The following UBA6 variants were observed in gnomAD, a reference collection of about 807,000 sequenced individuals.
UBA6 encodes ubiquitin like modifier activating enzyme 6.
In UBA6, 87 loss-of-function variants were observed where a neutral mutation model predicts 148.3. The observed-to-expected ratio is 0.59, with a 90% CI of 0.49 to 0.70. The LOEUF (loss-of-function observed/expected upper bound fraction) is 0.70, where lower values mean the gene tolerates loss of function less well. UBA6 is among the 30% of genes least tolerant of loss of function. UBA6 has a pLI of 0.00. For synonymous variants in UBA6, 376 were observed against 401.0 expected (o/e 0.94, Z 0.75); for missense variants, 1,186 against 1,241.2 (o/e 0.96, Z 0.67).
chr4:67,644,601 C>A (rs748933764), intron 17 of UBA6, 97 bp downstream of exon 17: 32 of 689,444 alleles, frequency 4.6e-5, no homozygotes, highest in Admixed American at 3.1e-4. Flanking sequence ...GCTCTATTTT[C>A]AAAAAACTGA....
At chr4:67,626,248 A>T in intron 28 of UBA6, 112 bp downstream of exon 28, 1 of 689,298 alleles carries the variant, frequency 1.5e-6, no homozygotes, top group Non-Finnish European at 2.6e-6. Flanking sequence ...ATCAATCAAT[A>T]TTGTCATCAT....
chr4:67,655,525 G>A (rs915968843), intron 13 of UBA6, among the ~76,000 whole-genome samples: 2 of 152,196 alleles, frequency 1.3e-5, no homozygotes, highest in Non-Finnish European at 2.9e-5. Context: ...GAATCTCTGA[G>A]ACACATTCAA....
At position 67,618,873 on chromosome 4, in the gene UBA6, C is replaced by T; in HGVS notation, c.*124G>A. The T allele has an allele frequency of 4.0e-6, 4 of 997,692 alleles. No homozygotes were observed. In the South Asian group the frequency reaches 5.7e-5, roughly 14 times the overall value. 61.8% of individuals were successfully genotyped at this position (997,692 alleles called of 1,614,324 possible). ...AGTGCAGTTTCTTACTGATGTTTCC[C>T]TTAAAATTAAGGCTTAATGAAAGAG... On this transcript the variant is annotated 3_prime_UTR_variant, in exon 33 of 33. Transcript: ENST00000322244.
Position 67,616,377 on chromosome 4 carries a change from CAT to C in UBA6, c.*2618_*2619del, listed in dbSNP as rs1728626717. The C allele has an allele frequency of 2.9e-6, 1 of 345,696 alleles. No individual in the cohort carries two copies. Among genetic ancestry groups the C allele is most frequent in the African/African-American group, 2.1e-5 (1 of 47,338 alleles). The allele number at this position is 345,696 out of a possible 1,614,324, so 21.4% of individuals were successfully genotyped here. The stretch of plus-strand genomic sequence containing the variant: ...TTCATTTTACTAATTATAAAATAAA[CAT>C]AGTTGCTTTTTTAATGTTCCATGAA... On this transcript the variant is annotated 3_prime_UTR_variant, in exon 33 of 33. Transcript: ENST00000322244.
In UBA6 at chr4:67,622,846, T is replaced by C; in HGVS notation, c.3008A>G (p.Lys1003Arg). The C allele has an allele frequency of 6.2e-7, 1 of 1,611,830 alleles. No individual in the cohort carries two copies. The highest frequency in any genetic ancestry group is 8.5e-7 in the Non-Finnish European group (1 of 1,179,122). Reference sequence around the variant, plus strand: ...GAATACTTACGTTAACTTCAATCTTTTTGCATGACCAGGCATTACAGGAAC... The same window carrying C: ...GAATACTTACGTTAACTTCAATCTTCTTGCATGACCAGGCATTACAGGAAC... ...LYVPVMPGHA[K>R]RLKLTMHKLV... The change falls in exon 32 of 33, where the codon AAA becomes AGA. Residue 1003 changes from lysine (K) to arginine (R), a missense_variant. Coordinates refer to ENST00000322244, the MANE Select transcript of UBA6 (RefSeq NM_018227.6).
At chr4:67,657,351 C>T (rs1729724505) in intron 13 of UBA6, among the ~76,000 whole-genome samples, 1 of 152,146 alleles carries the variant, frequency 6.6e-6, no homozygotes, top group African/African-American at 2.4e-5. Context: ...ACCAATGGAA[C>T]AGAACAGAGG....
intron 14 of UBA6, among the ~76,000 whole-genome samples, chr4:67,648,383 G>A (rs182094325): frequency 2.7e-4 from 40 of 150,496 alleles, no homozygotes; most frequent in Admixed American, 5.3e-4. Context: ...CAGGAGAATC[G>A]CGTGAACCCG....
chr4:67,692,712 A>T (rs970042511), intron 2 of UBA6, among the ~76,000 whole-genome samples: 3 of 152,192 alleles, frequency 2.0e-5, no homozygotes, highest in Non-Finnish European at 2.9e-5. Context: ...ACTTGCTTCA[A>T]AACACAACAT....
chr4:67,662,248 G>C lies in UBA6; in HGVS notation c.1045C>G (p.Gln349Glu), dbSNP rs139202494. ...AGTTTCAACAGTTCTTCTGAATCTT[G>C]TTGGCATCTACAACTCAAAACAGAA... ...YSRKPNVGCQ[Q>E]DSEELLKLAT... The change falls in exon 13 of 33, where the codon CAA becomes GAA. Residue 349 changes from glutamine to glutamate, a missense_variant. Coordinates refer to ENST00000322244, the MANE Select transcript of UBA6 (RefSeq NM_018227.6). 43 of 1,613,206 alleles carry C rather than the reference G, an allele frequency of 2.7e-5. 1 individual carries two copies. Among genetic ancestry groups the C allele is most frequent in the African/African-American group, 2.5e-4 (19 of 74,892 alleles).
chr4:67,635,468 C>T lies in UBA6; in HGVS notation c.1827G>A (p.Glu609=), dbSNP rs760078389. ...ATTCACTTACATGACTATTGTAAGACTCAGTCAAATGCGGTACAATAACTT... is the reference window on the plus strand; with the variant it reads ...ATTCACTTACATGACTATTGTAAGATTCAGTCAAATGCGGTACAATAACTT... ...HTEVIVPHLT[E]SYNSHRDPPE... The change falls in exon 20 of 33, where the codon GAG becomes GAA. Residue 609 remains glutamate (E), a synonymous_variant. Transcript: ENST00000322244. The T allele has an allele frequency of 2.5e-6, 4 of 1,593,510 alleles. No individual in the cohort carries two copies. The highest frequency in any genetic ancestry group is 3.4e-6 in the Non-Finnish European group (4 of 1,161,896).
intron 6 of UBA6, among the ~76,000 whole-genome samples, chr4:67,675,849 T>TCATATTGAGCTGCTTTTTCC (rs1730266547): frequency 6.6e-6 from 1 of 152,070 alleles, no homozygotes; most frequent in Non-Finnish European, 1.5e-5. Flanking sequence ...TGACTCTTGG[T>TCATATTGAGCTGCTTTTTCC]CATATTGAGC....
chr4:67,681,687 T>G (rs1461577571), intron 3 of UBA6, 96 bp from the exon 4 acceptor site: 1 of 808,460 alleles, frequency 1.2e-6, no homozygotes, highest in African/African-American at 1.8e-5. Context: ...TGCATACTTT[T>G]AACTTCTTTT....
intron 13 of UBA6, among the ~76,000 whole-genome samples, chr4:67,661,263 A>G (rs1294067891): frequency 6.6e-6 from 1 of 152,122 alleles, no homozygotes; most frequent in Non-Finnish European, 1.5e-5. Flanking sequence ...CCAGGGATGA[A>G]ATGATACATT....
chr4:67,669,052 C>T (rs1414946736), intron 8 of UBA6, among the ~76,000 whole-genome samples: 5 of 151,890 alleles, frequency 3.3e-5, no homozygotes, highest in Admixed American at 3.3e-4. Flanking sequence ...CACTGAAGAT[C>T]AAAGAACAGT....
intron 17 of UBA6, 31 bp from the exon 18 acceptor site, chr4:67,641,259 A>C (rs1185460305): frequency 5.6e-6 from 7 of 1,253,962 alleles, no homozygotes; most frequent in Non-Finnish European, 8.0e-6. Context: ...CTGAAATTAC[A>C]TAATGGATAC....
rs372273892 is a variant in UBA6 at position 67,623,272 on chromosome 4, T to C, written c.2841-50A>G. The C allele has an allele frequency of 1.1e-5, 16 of 1,418,712 alleles. No individual in the cohort carries two copies. In the East Asian group the frequency reaches 1.8e-4, roughly 16 times the overall value. 87.9% of individuals were successfully genotyped at this position (1,418,712 alleles called of 1,614,324 possible). Reference sequence around the variant, plus strand: ...AGAAACATTGAAATTTTCTTCCTTTTAGTGATGACACACACACAAAAAAAA... The same window carrying C: ...AGAAACATTGAAATTTTCTTCCTTTCAGTGATGACACACACACAAAAAAAA... On this transcript the variant is annotated intron_variant, in intron 30 of 32. Transcript: ENST00000322244.
At chr4:67,686,981 A>AAAAAAAAAAAC (rs1730583995) in intron 2 of UBA6, among the ~76,000 whole-genome samples, 1 of 136,370 alleles carries the variant, frequency 7.3e-6, no homozygotes, top group Non-Finnish European at 1.6e-5. Flanking sequence ...AAAAAAAAAA[A>AAAAAAAAAAAC]AAAAAAAAAT....
chr4:67,664,994 G>A (rs72642376), intron 10 of UBA6, among the ~76,000 whole-genome samples, 195 bp downstream of exon 10: 18,528 of 151,942 alleles, frequency 0.12, 1,288 homozygotes, highest in South Asian at 0.21. Flanking sequence ...TAAGTTTTTT[G>A]TTAATATCCA....
Position 67,670,474 on chromosome 4 carries a change from G to T in UBA6, c.665C>A (p.Thr222Lys). 6.4e-7 allele frequency: 1 copy of T among 1,567,472 alleles called. No individual in the cohort carries two copies. The highest frequency in any genetic ancestry group is 8.8e-7 in the Non-Finnish European group (1 of 1,140,800). Residue 222 changes from threonine to lysine, a missense_variant, in exon 8 of 33, where the codon ACG becomes AAG. Physicochemically the swap from Thr to Lys is moderately conservative, Grantham distance 78 (BLOSUM62 -1). Transcript: ENST00000322244. ...AGTTCATTAATATAATCATACTTGC[G>T]TTATGTTTGAAATGAAAATTTCTTT... is the stretch of plus-strand genomic sequence containing the variant. The part of the protein sequence containing the change: ...EPKEIFISNI[T>K]QANPGIVTCL...
Sources: gnomAD v4.1 joint callset for allele counts (sites outside exome capture counted in the v4.1 genomes callset) on GRCh38, gnomAD v4.1.1 for gene constraint, MANE v1.5 for transcripts, NCBI Gene and HGNC (gene_info 2026-07-23, HGNC 2026-07-21) for gene names.